Variants in TBC1D22A observed in about 807,000 individuals in gnomAD.
The protein encoded by TBC1D22A is putative GTPase activator.
Under a neutral mutation model 60.2 loss-of-function variants are expected in TBC1D22A, and 38 were observed. That is an observed-to-expected ratio of 0.63 (90% CI 0.49 to 0.83). The LOEUF (loss-of-function observed/expected upper bound fraction) is 0.83, where lower values mean the gene tolerates loss of function less well. Among genes scored for constraint, TBC1D22A ranks in the 40% least tolerant of loss-of-function variants. The probability of loss-of-function intolerance (pLI) is 0.00; values close to 1 mark genes in which losing one functional copy is unlikely to be tolerated. For synonymous variants in TBC1D22A, 302 were observed against 281.7 expected, an observed-to-expected ratio of 1.07 and a Z score of -0.72; for missense variants, 628 against 701.0, an observed-to-expected ratio of 0.90 and a Z score of 1.18.
intron 5 of TBC1D22A, among the ~76,000 whole-genome samples, chr22:46,881,423 C>A (rs1016839742): frequency 4.6e-5 from 7 of 152,198 alleles, no homozygotes; most frequent in African/African-American, 1.7e-4. Context: ...CAGACCTAGG[C>A]TACGTGGAGA....
In TBC1D22A at chr22:47,044,579, G is replaced by A. The variant is rs921656888; in HGVS notation, c.1329+7381G>A. ...AATGAAGCTGAAGAAGCTGGTCTCC[G>A]TACATTGTACTTTCTCATGAGCCCA... On this transcript the variant is annotated intron_variant, in intron 11 of 12. Transcript: ENST00000337137. Among the ~76,000 whole-genome samples the A allele has an allele frequency of 1.1e-4, 16 of 152,308 alleles. No individual in the cohort carries two copies. The South Asian group carries it at 1.5e-3, about 14-fold the overall frequency.
chr22:46,767,542 C>A (rs2083328975), intron 1 of TBC1D22A, among the ~76,000 whole-genome samples: 1 of 152,146 alleles, frequency 6.6e-6, no homozygotes, highest in South Asian at 2.1e-4. Context: ...TCTCTGCTCT[C>A]CCAGAGCTTA....
At chr22:47,058,326 C>G (rs1352310004) in intron 11 of TBC1D22A, among the ~76,000 whole-genome samples, 2 of 152,238 alleles carry the variant, frequency 1.3e-5, no homozygotes, top group African/African-American at 2.4e-5. Context: ...GATCCTGTCC[C>G]TCTCCCTGCC....
intron 8 of TBC1D22A, among the ~76,000 whole-genome samples, chr22:46,968,650 G>A (rs995319381): frequency 2.6e-5 from 4 of 151,912 alleles, no homozygotes; most frequent in Admixed American, 6.5e-5. Context: ...TCCTCACTGC[G>A]TAGCCGGCGG....
At chr22:47,120,294 C>T (rs1448584198) in intron 12 of TBC1D22A, among the ~76,000 whole-genome samples, 1 of 152,124 alleles carries the variant, frequency 6.6e-6, no homozygotes, top group East Asian at 1.9e-4. Context: ...AATCAACAAC[C>T]ACCAGTACCT....
intron 4 of TBC1D22A, among the ~76,000 whole-genome samples, chr22:46,848,340 G>A (rs188015527): frequency 1.3e-5 from 2 of 152,352 alleles, no homozygotes; most frequent in East Asian, 3.9e-4. Flanking sequence ...AACAGGGAAG[G>A]AGTGCTTGCT....
chr22:46,810,648 G>T (rs1394607345), intron 4 of TBC1D22A, among the ~76,000 whole-genome samples: 2 of 152,150 alleles, frequency 1.3e-5, no homozygotes, highest in Non-Finnish European at 2.9e-5. Flanking sequence ...GCGGCTTTTG[G>T]TACATTCACA....
chr22:46,775,614 C>T (rs1470412132), intron 1 of TBC1D22A, among the ~76,000 whole-genome samples: 1 of 152,124 alleles, frequency 6.6e-6, no homozygotes, highest in Non-Finnish European at 1.5e-5. Context: ...CTGTGGGCCG[C>T]ATTTTGTTTT....
intron 1 of TBC1D22A, among the ~76,000 whole-genome samples, chr22:46,784,112 C>T (rs936559104): frequency 6.6e-6 from 1 of 152,086 alleles, no homozygotes; most frequent in African/African-American, 2.4e-5. Flanking sequence ...GTGGTGCGAT[C>T]ACAGCTCACT....
At chr22:46,822,085 G>A (rs953996922) in intron 4 of TBC1D22A, among the ~76,000 whole-genome samples, 14 of 151,872 alleles carry the variant, frequency 9.2e-5, no homozygotes, top group East Asian at 1.9e-4. Context: ...TTTCAGCTCC[G>A]TCAGGTCATT....
chr22:47,159,981 TCACACACACCC>T (rs1230372676), intron 12 of TBC1D22A, among the ~76,000 whole-genome samples: 1 of 146,362 alleles, frequency 6.8e-6, no homozygotes, highest in East Asian at 2.0e-4. Context: ...TACAGGTGAC[TCACACACACCC>T]CACACACACA....
intron 12 of TBC1D22A, among the ~76,000 whole-genome samples, chr22:47,165,149 G>A (rs966938884): frequency 6.6e-6 from 1 of 152,098 alleles, no homozygotes; most frequent in African/African-American, 2.4e-5. Flanking sequence ...AAGTGTGGCC[G>A]TCGTCCCCTG....
chr22:46,796,380 G>A (rs1002741621), intron 3 of TBC1D22A, among the ~76,000 whole-genome samples: 2 of 152,154 alleles, frequency 1.3e-5, no homozygotes, highest in East Asian at 1.9e-4. Context: ...GAGGGCGCGG[G>A]GGAGTGCGGC....
chr22:46,902,615 G>A (rs141438830), intron 7 of TBC1D22A, among the ~76,000 whole-genome samples: 11 of 152,354 alleles, frequency 7.2e-5, no homozygotes, highest in South Asian at 4.1e-4. Context: ...ACAGAGCCCC[G>A]CTGTGTCCGC....
At chr22:46,921,424 C>G (rs1016601634) in intron 8 of TBC1D22A, among the ~76,000 whole-genome samples, 2 of 152,168 alleles carry the variant, frequency 1.3e-5, no homozygotes, top group Non-Finnish European at 2.9e-5. Context: ...TGATCTTGTT[C>G]TTTTTTATAG....
chr22:46,839,354 C>G (rs2086654629), intron 4 of TBC1D22A, among the ~76,000 whole-genome samples: 1 of 150,654 alleles, frequency 6.6e-6, no homozygotes. Flanking sequence ...GTCACCCAGG[C>G]TGGAGTGCAG....
chr22:47,135,354 G>A lies in TBC1D22A; in HGVS notation c.1425+23751G>A, dbSNP rs1180690204. On this transcript the variant is annotated intron_variant, in intron 12 of 12. Transcript: ENST00000337137. Reference sequence around the variant, plus strand: ...ATCAAGCACGGGTCCTGGACCAGGTGACACTCTGGGCATGGAGGTCCCAGG... The same window carrying A: ...ATCAAGCACGGGTCCTGGACCAGGTAACACTCTGGGCATGGAGGTCCCAGG... 6.6e-5 allele frequency among the ~76,000 whole-genome samples: 10 copies of A among 152,354 alleles called. No individual in the cohort carries two copies. In the South Asian group the frequency reaches 1.2e-3, roughly 19 times the overall value.
intron 1 of TBC1D22A, among the ~76,000 whole-genome samples, chr22:46,778,536 G>T (rs1034792575): frequency 2.6e-5 from 4 of 152,080 alleles, no homozygotes; most frequent in African/African-American, 9.6e-5. Context: ...GGTCGGGACC[G>T]TCAGTGCCAC....
intron 1 of TBC1D22A, among the ~76,000 whole-genome samples, chr22:46,776,906 T>C (rs2083730419): frequency 6.7e-6 from 1 of 149,802 alleles, no homozygotes; most frequent in South Asian, 2.1e-4. Flanking sequence ...AGGAAGACCT[T>C]GAAGGATGTT....
Sources: allele counts gnomAD v4.1 joint callset (sites outside exome capture counted in the v4.1 genomes callset), GRCh38; gene constraint gnomAD v4.1.1; transcripts MANE v1.5; gene names NCBI Gene and HGNC (gene_info 2026-07-23, HGNC 2026-07-21).